The following LPGAT1 variants were observed in gnomAD, a reference collection of about 807,000 sequenced individuals.
LPGAT1 encodes lysophosphatidylglycerol acyltransferase 1.
In LPGAT1, 11 loss-of-function variants were observed where a neutral mutation model predicts 47.5. The ratio of observed to expected loss-of-function variants is 0.23; its 90% CI spans 0.15 to 0.38. LPGAT1 has a LOEUF of 0.38. LPGAT1 is among the 10% of genes least tolerant of loss of function. LPGAT1 has a pLI of 1.00. For missense variants in LPGAT1, 293 were observed against 439.0 expected (o/e 0.67, Z 2.97); for synonymous variants, 138 against 144.2 (o/e 0.96, Z 0.31).
At chr1:211,809,260 T>C (rs987542121) in intron 2 of LPGAT1, among the ~76,000 whole-genome samples, 4 of 152,032 alleles carry the variant, frequency 2.6e-5, no homozygotes, top group Non-Finnish European at 4.4e-5. Flanking sequence ...ACTTCACATC[T>C]TAAGTTTCTT....
At position 211,743,802 on chromosome 1, in the gene LPGAT1, C is replaced by T. The variant is rs1203346489; in HGVS notation, c.*6097G>A. On this transcript the variant is annotated 3_prime_UTR_variant, in exon 8 of 8. Transcript: ENST00000366997. ...ATTAGAATCTCACCAAAACAGCAGC[C>T]TAAATACAGATAGAAAAATAAGAGG... The T allele has an allele frequency of 6.6e-6, 1 of 151,814 alleles. No individual in the cohort carries two copies. The highest frequency in any genetic ancestry group is 1.9e-4 in the East Asian group (1 of 5,158). The allele number at this position is 151,814 out of a possible 1,614,324, so 9.4% of individuals were successfully genotyped here.
chr1:211,786,414 G>A lies in LPGAT1; in HGVS notation c.453+1218C>T, dbSNP rs560637396. On this transcript the variant is annotated intron_variant, in intron 4 of 7. Transcript: ENST00000366997. ...ATGTGCAAAGCACGGCACAATCCAG[G>A]TTGTTAAATATGTAAACACCAAATA... 1.7e-3 allele frequency among the ~76,000 whole-genome samples: 257 copies of A among 152,304 alleles called. 2 individuals are homozygous for A. The highest frequency in any genetic ancestry group is 6.8e-3 in the Middle Eastern group (2 of 294).
At chr1:211,796,467 CAGA>C (rs779501293) in intron 2 of LPGAT1, among the ~76,000 whole-genome samples, 2 of 152,164 alleles carry the variant, frequency 1.3e-5, no homozygotes, top group Non-Finnish European at 2.9e-5. Context: ...GGACAACCAC[CAGA>C]AGAAGCTGGA....
At chr1:211,757,808 C>G (rs1466843053) in intron 6 of LPGAT1, among the ~76,000 whole-genome samples, 2 of 152,174 alleles carry the variant, frequency 1.3e-5, no homozygotes, top group Non-Finnish European at 2.9e-5. Context: ...TAACTTCCAT[C>G]TTTTGAATTG....
intron 6 of LPGAT1, among the ~76,000 whole-genome samples, chr1:211,754,268 T>C (rs1407204507): frequency 1.3e-5 from 2 of 152,180 alleles, no homozygotes; most frequent in Non-Finnish European, 2.9e-5. Flanking sequence ...TCTTCCCAAG[T>C]TTAGTAATGC....
intron 2 of LPGAT1, among the ~76,000 whole-genome samples, chr1:211,809,604 G>A (rs115704304): frequency 2.2e-3 from 332 of 152,236 alleles, no homozygotes; most frequent in African/African-American, 7.5e-3. Flanking sequence ...CATGAGGGGC[G>A]TGTCTTTCCC....
intron 6 of LPGAT1, among the ~76,000 whole-genome samples, chr1:211,778,215 G>A (rs1030700725): frequency 3.3e-5 from 5 of 151,980 alleles, no homozygotes; most frequent in East Asian, 3.9e-4. Context: ...GGTGGCGGGC[G>A]CCTGTAGTCC....
chr1:211,776,621 T>C (rs1017860348), intron 6 of LPGAT1, among the ~76,000 whole-genome samples: 6 of 152,216 alleles, frequency 3.9e-5, no homozygotes, highest in Admixed American at 6.5e-5. Flanking sequence ...TGAGGGCTGC[T>C]TTATTTATTT....
Position 211,793,200 on chromosome 1 carries a change from CAA to C in LPGAT1, c.239-12_239-11del, listed in dbSNP as rs1558271615. On this transcript the variant is annotated splice_polypyrimidine_tract_variant and intron_variant, in intron 2 of 7. Transcript: ENST00000366997. ...TCTCCCCATTCCATCACTGTAAGAA[CAA>C]AAAAGTTTCAAAGCTGTCATTTTAA... The C allele has an allele frequency of 3.8e-6, 6 of 1,568,636 alleles. No individual in the cohort carries two copies. In the East Asian group the frequency reaches 1.4e-4, roughly 36 times the overall value.
chr1:211,758,424 C>A (rs566369573), intron 6 of LPGAT1, among the ~76,000 whole-genome samples: 4 of 152,034 alleles, frequency 2.6e-5, no homozygotes, highest in African/African-American at 9.7e-5. Flanking sequence ...AGTACAGGGC[C>A]GGGCATTGTG....
At chr1:211,788,848 C>A (rs1214965478) in intron 3 of LPGAT1, among the ~76,000 whole-genome samples, 1 of 152,208 alleles carries the variant, frequency 6.6e-6, no homozygotes, top group African/African-American at 2.4e-5. Flanking sequence ...CCCAGGGGAA[C>A]AGTAGATGTA....
chr1:211,814,559 A>C (rs1350753671), intron 2 of LPGAT1, among the ~76,000 whole-genome samples: 1 of 152,182 alleles, frequency 6.6e-6, no homozygotes, highest in Non-Finnish European at 1.5e-5. Context: ...GCTGATATGC[A>C]TTCTTTCATT....
intron 2 of LPGAT1, among the ~76,000 whole-genome samples, chr1:211,825,719 G>A (rs979010692): frequency 5.9e-5 from 9 of 152,230 alleles, no homozygotes; most frequent in African/African-American, 1.9e-4. Context: ...CCAGCACTCT[G>A]GGAGGCCAAC....
intron 3 of LPGAT1, among the ~76,000 whole-genome samples, chr1:211,788,167 G>C (rs1658962304): frequency 6.6e-6 from 1 of 152,104 alleles, no homozygotes; most frequent in Non-Finnish European, 1.5e-5. Flanking sequence ...TCATGGCAAA[G>C]TATAAAAATG....
chr1:211,830,551 C>T lies in LPGAT1; in HGVS notation c.-28+22G>A. 2.5e-6 allele frequency: 3 copies of T among 1,178,326 alleles called. No individual in the cohort carries two copies. Among genetic ancestry groups the T allele is most frequent in the East Asian group, 3.7e-5 (1 of 27,150 alleles). 73.0% of individuals were successfully genotyped at this position (1,178,326 alleles called of 1,614,324 possible). ...GGCTCCGCTGCCGCTCTGGGGCCTG[C>T]GACCGCGGAGCCGGAGGTTACCTCG... On this transcript the variant is annotated intron_variant, in intron 1 of 7. Transcript: ENST00000366997. This position sits in a 1 kb window ranked among gnomAD's most constrained non-coding sequence, Gnocchi z 5.9.
rs1363940886 is a variant in LPGAT1 at position 211,744,311 on chromosome 1, A to C, written c.*5588T>G. ...TTTAGAATTTTGCCTGCAGTTGTTA[A>C]GCATTGGTTATGAAAATTGAATCAT... On this transcript the variant is annotated 3_prime_UTR_variant, in exon 8 of 8. Coordinates refer to ENST00000366997, the MANE Select transcript of LPGAT1 (RefSeq NM_014873.3). 1 of 152,248 alleles carries C rather than the reference A, an allele frequency of 6.6e-6. No individual in the cohort carries two copies. Among genetic ancestry groups the C allele is most frequent in the African/African-American group, 2.4e-5 (1 of 41,466 alleles). The allele number at this position is 152,248 out of a possible 1,614,324, so 9.4% of individuals were successfully genotyped here. A position where few individuals can be genotyped will look rare whatever the true frequency, so the allele number is the denominator to read the frequency against.
intron 6 of LPGAT1, among the ~76,000 whole-genome samples, chr1:211,752,465 T>C (rs1279264563): frequency 6.6e-6 from 1 of 152,196 alleles, no homozygotes; most frequent in African/African-American, 2.4e-5. Context: ...CTCCTCCTCA[T>C]TGTTCTTGTT....
intron 3 of LPGAT1, among the ~76,000 whole-genome samples, chr1:211,789,447 G>T (rs1383320937): frequency 6.6e-6 from 1 of 152,122 alleles, no homozygotes; most frequent in Non-Finnish European, 1.5e-5. Context: ...GGACAGCTCT[G>T]TTCCAACTTA....
rs183065219 is a variant in LPGAT1, at chr1:211,796,752, T to C, written c.239-3562A>G. Among the ~76,000 whole-genome samples the C allele has an allele frequency of 7.5e-3, 1,144 of 152,286 alleles. 49 individuals carry two copies. Among genetic ancestry groups the C allele is most frequent in the Admixed American group, 0.068 (1,033 of 15,282 alleles). On this transcript the variant is annotated intron_variant, in intron 2 of 7. Coordinates refer to ENST00000366997, the MANE Select transcript of LPGAT1 (RefSeq NM_014873.3). ...TATAGGAAAAGAATTGCATTATCTT[T>C]TAATATTCAGCACATTATATATAAT... is the stretch of plus-strand genomic sequence containing the variant.
Sources: allele counts gnomAD v4.1 joint callset (sites outside exome capture counted in the v4.1 genomes callset), GRCh38; gene constraint gnomAD v4.1.1; non-coding constraint Gnocchi (gnomAD v3.1); transcripts MANE v1.5; gene names NCBI Gene and HGNC (gene_info 2026-07-23, HGNC 2026-07-21).